RBFOX1: variants seen among roughly 807,000 people sequenced by gnomAD.
RBFOX1 encodes the protein RNA binding protein fox-1 homolog 1.
RBFOX1 carries 8 observed loss-of-function variants against 57.7 expected under a neutral mutation model. That is an observed-to-expected ratio of 0.14 (90% CI 0.08 to 0.25). The LOEUF (loss-of-function observed/expected upper bound fraction) is 0.25. Ranked by LOEUF, RBFOX1 falls within the 10% of genes least tolerant of loss-of-function variation. The pLI, the probability that RBFOX1 is intolerant of heterozygous loss-of-function variation, is 1.00. For synonymous variants in RBFOX1, 326 were observed against 222.4 expected (o/e 1.47, Z -4.15); for missense variants, 611 against 548.5 (o/e 1.11, Z -1.14).
At chr16:6,895,845 AC>A (rs2066769280) in intron 3 of RBFOX1, among the ~76,000 whole-genome samples, 1 of 152,090 alleles carries the variant, frequency 6.6e-6, no homozygotes, top group African/African-American at 2.4e-5. Flanking sequence ...GATCAGTGTT[AC>A]CATGTGTAAA....
chr16:6,531,200 T>C (rs769614524), intron 2 of RBFOX1, among the ~76,000 whole-genome samples: 2 of 152,178 alleles, frequency 1.3e-5, no homozygotes, highest in African/African-American at 4.8e-5. Flanking sequence ...CCAAATTCTA[T>C]TTTTCTCCAG....
intron 4 of RBFOX1, among the ~76,000 whole-genome samples, chr16:6,001,720 A>G (rs530426742): frequency 7.9e-5 from 12 of 152,340 alleles, no homozygotes; most frequent in African/African-American, 2.9e-4. Flanking sequence ...ATAAGGAAAT[A>G]GTTTCAAGAA....
At chr16:6,522,271 A>C (rs2096516620) in intron 2 of RBFOX1, among the ~76,000 whole-genome samples, 1 of 151,924 alleles carries the variant, frequency 6.6e-6, no homozygotes, top group South Asian at 2.1e-4. Context: ...AAGAGATCAT[A>C]AAGCACAATG....
At chr16:6,655,472 T>C (rs189812012) in intron 3 of RBFOX1, among the ~76,000 whole-genome samples, 7 of 148,986 alleles carry the variant, frequency 4.7e-5, no homozygotes, top group Non-Finnish European at 8.9e-5. Context: ...CTATCTGAGA[T>C]TAAGGGGGTA....
intron 3 of RBFOX1, among the ~76,000 whole-genome samples, chr16:5,720,461 T>A (rs1019129327): frequency 6.6e-6 from 1 of 152,208 alleles, no homozygotes; most frequent in Non-Finnish European, 1.5e-5. Context: ...AATGAACCTA[T>A]TTTTTCTTTA....
chr16:6,993,168 C>T (rs2091773869), intron 3 of RBFOX1, among the ~76,000 whole-genome samples: 1 of 152,132 alleles, frequency 6.6e-6, no homozygotes, highest in Non-Finnish European at 1.5e-5. Context: ...TTCTTTGTCT[C>T]ACTTGTCAAA....
chr16:6,309,693 G>T (rs2080000509), intron 1 of RBFOX1, among the ~76,000 whole-genome samples: 1 of 152,048 alleles, frequency 6.6e-6, no homozygotes, highest in Non-Finnish European at 1.5e-5. Flanking sequence ...TAGTCTCTCG[G>T]AGGTCCCTAG....
chr16:6,975,386 C>T (rs1253842016), intron 3 of RBFOX1, among the ~76,000 whole-genome samples: 1 of 152,148 alleles, frequency 6.6e-6, no homozygotes, highest in African/African-American at 2.4e-5. Context: ...CTGCCTCAGC[C>T]TCCCAAGTAG....
At chr16:5,409,651 C>T (rs1166503316) in intron 1 of RBFOX1, among the ~76,000 whole-genome samples, 6 of 152,112 alleles carry the variant, frequency 3.9e-5, no homozygotes, top group Non-Finnish European at 7.3e-5. Context: ...TCCTTGCCTC[C>T]AGGAAGCGTA....
chr16:6,780,345 A>ATATATTTT lies in RBFOX1; in HGVS notation c.-16+125699_-16+125700insTTTTTATA, dbSNP rs1555461169. On this transcript the variant is annotated intron_variant, in intron 3 of 15. Transcript: ENST00000550418. ...TATTTATATATATTTATACATATTT[A>ATATATTTT]TATACATATTTATATACATATTTAT... Among the ~76,000 whole-genome samples, 134 of 80,132 alleles carry ATATATTTT rather than the reference A, an allele frequency of 1.7e-3. 11 individuals are homozygous for ATATATTTT. Among genetic ancestry groups the ATATATTTT allele is most frequent in the East Asian group, 8.6e-3 (7 of 810 alleles). The allele number at this position is 80,132 out of a possible 152,430, so 52.6% of individuals were successfully genotyped here. A position where few individuals can be genotyped will look rare whatever the true frequency, so the allele number is the denominator to read the frequency against.
chr16:7,404,424 A>T (rs2098300097), intron 4 of RBFOX1, among the ~76,000 whole-genome samples: 1 of 152,338 alleles, frequency 6.6e-6, no homozygotes, highest in South Asian at 2.1e-4. Flanking sequence ...AGCTTCTGAC[A>T]TCCAGTGATA....
chr16:6,030,293 C>A (rs778453590), intron 1 of RBFOX1, among the ~76,000 whole-genome samples: 7 of 152,228 alleles, frequency 4.6e-5, no homozygotes, highest in Middle Eastern at 3.4e-3. Context: ...AAGAGTTTGT[C>A]CTTTCTTCAG....
intron 4 of RBFOX1, among the ~76,000 whole-genome samples, chr16:7,394,358 G>T (rs1052274163): frequency 1.3e-5 from 2 of 150,636 alleles, no homozygotes; most frequent in Non-Finnish European, 3.0e-5. Context: ...TGTATTTTCT[G>T]AGTAGTTCCA....
intron 2 of RBFOX1, among the ~76,000 whole-genome samples, chr16:6,575,039 A>AT (rs1354537697): frequency 1.8e-4 from 4 of 22,284 alleles, no homozygotes; most frequent in African/African-American, 2.6e-4. Flanking sequence ...CTCCGTCTCA[A>AT]TTAAAAAAAA....
chr16:7,154,895 A>C (rs2076786249), intron 4 of RBFOX1, among the ~76,000 whole-genome samples: 2 of 152,190 alleles, frequency 1.3e-5, no homozygotes, highest in South Asian at 4.1e-4. Context: ...GGAAACTAGG[A>C]TTACAGAGTT....
chr16:7,100,049 C>G (rs1247651523), intron 4 of RBFOX1, among the ~76,000 whole-genome samples: 2 of 151,010 alleles, frequency 1.3e-5, no homozygotes, highest in East Asian at 3.9e-4. Context: ...GGGGTCCTTT[C>G]ACATGATGGG....
chr16:6,891,926 G>T (rs1484561463), intron 3 of RBFOX1, among the ~76,000 whole-genome samples: 2 of 152,124 alleles, frequency 1.3e-5, no homozygotes, highest in Non-Finnish European at 2.9e-5. Flanking sequence ...TTTCCAGCAA[G>T]TCGGTTTTCT....
rs182604292 is a variant in RBFOX1, at chr16:6,462,783, A to C, written c.-64+145726A>C. Among the ~76,000 whole-genome samples, 6 of 152,102 alleles carry C rather than the reference A, an allele frequency of 3.9e-5. No homozygotes were observed. The East Asian group carries it at 1.2e-3, about 29-fold the overall frequency. ...ACCTGAACAACACTGGATGTTAGCA[A>C]TCTTTTAAAAAGTATTGAGTATACA... On this transcript the variant is annotated intron_variant, in intron 2 of 15. Coordinates refer to ENST00000550418, the MANE Select transcript of RBFOX1 (RefSeq NM_018723.4).
Position 6,474,307 on chromosome 16 carries a change from G to A in RBFOX1, c.-64+157250G>A, listed in dbSNP as rs1320600118. Among the ~76,000 whole-genome samples, 7 of 152,238 alleles carry A rather than the reference G, an allele frequency of 4.6e-5. No individual in the cohort carries two copies. The East Asian group carries it at 1.4e-3, about 29-fold the overall frequency. On this transcript the variant is annotated intron_variant, in intron 2 of 15. Transcript: ENST00000550418. ...AGAGCGGACGTGACATCTGTTTTCA[G>A]GACCCTTTAATCATATCCCGTGGTC...
Sources: gnomAD v4.1 joint callset for allele counts (sites outside exome capture counted in the v4.1 genomes callset) on GRCh38, gnomAD v4.1.1 for gene constraint, MANE v1.5 for transcripts, NCBI Gene and HGNC (gene_info 2026-07-23, HGNC 2026-07-21) for gene names.